The following ESR1 variants were observed in gnomAD, a reference collection of about 807,000 sequenced individuals.
The protein encoded by ESR1 is estrogen receptor 1.
In ESR1, 12 loss-of-function variants were observed where a neutral mutation model predicts 52.7. The observed-to-expected ratio is 0.23, with a 90% CI of 0.15 to 0.37. The LOEUF is 0.37. Ranked by LOEUF, ESR1 falls within the 10% of genes least tolerant of loss-of-function variation. The pLI, the probability that ESR1 is intolerant of heterozygous loss-of-function variation, is 1.00. For synonymous variants in ESR1, 305 were observed against 316.8 expected (o/e 0.96, Z 0.39); for missense variants, 584 against 779.7 (o/e 0.75, Z 2.99).
At chr6:151,950,554 C>A (rs2036218421) in intron 4 of ESR1, among the ~76,000 whole-genome samples, 1 of 152,094 alleles carries the variant, frequency 6.6e-6, no homozygotes, top group Non-Finnish European at 1.5e-5. Flanking sequence ...AAGCCCTAAT[C>A]CAATAAGGAC....
intron 2 of ESR1, among the ~76,000 whole-genome samples, chr6:151,873,986 C>T (rs1398454455): frequency 6.6e-6 from 1 of 152,080 alleles, no homozygotes; most frequent in African/African-American, 2.4e-5. Flanking sequence ...AATAGGACTT[C>T]GAAAATAAAA....
chr6:151,693,778 C>T (rs1779118847), intron 1 of ESR1, among the ~76,000 whole-genome samples: 1 of 152,126 alleles, frequency 6.6e-6, no homozygotes, highest in Non-Finnish European at 1.5e-5. Context: ...CCACCATGGC[C>T]AGCTAATTTT....
chr6:152,112,199 G>A (rs1256634366), intron 6 of ESR1, among the ~76,000 whole-genome samples: 7 of 152,184 alleles, frequency 4.6e-5, no homozygotes, highest in Admixed American at 4.6e-4. Flanking sequence ...GCAGCTCCAG[G>A]CTTCTGTCTA....
intron 3 of ESR1, among the ~76,000 whole-genome samples, chr6:151,891,584 T>C (rs1333972946): frequency 6.6e-6 from 1 of 152,176 alleles, no homozygotes; most frequent in Non-Finnish European, 1.5e-5. Flanking sequence ...GTTTTTCAGT[T>C]GGATTGTTCT....
chr6:152,043,637 G>T (rs2045984709), intron 5 of ESR1, among the ~76,000 whole-genome samples: 1 of 152,190 alleles, frequency 6.6e-6, no homozygotes, highest in South Asian at 2.1e-4. Flanking sequence ...AGGCAGTGCA[G>T]GGTTAAACTC....
intron 1 of ESR1, among the ~76,000 whole-genome samples, chr6:151,660,504 T>C (rs1284906931): frequency 1.3e-5 from 2 of 152,218 alleles, no homozygotes; most frequent in Non-Finnish European, 2.9e-5. Context: ...ATGAAAAATA[T>C]GTAAAACTCA....
chr6:152,077,703 G>C (rs934692144), intron 6 of ESR1, among the ~76,000 whole-genome samples: 2 of 152,230 alleles, frequency 1.3e-5, no homozygotes, highest in Non-Finnish European at 2.9e-5. Flanking sequence ...AGTCAAAGGA[G>C]ATATTTTGAA....
At chr6:152,063,702 A>C (rs1338897507) in intron 6 of ESR1, among the ~76,000 whole-genome samples, 1 of 152,190 alleles carries the variant, frequency 6.6e-6, no homozygotes, top group South Asian at 2.1e-4. Context: ...TCTACCTCTC[A>C]TGAGACCAAT....
At chr6:151,707,733 C>G (rs1780291861) in intron 2 of ESR1, among the ~76,000 whole-genome samples, 1 of 151,622 alleles carries the variant, frequency 6.6e-6, no homozygotes, top group South Asian at 2.1e-4. Context: ...TTTTTACTTC[C>G]TTTTAAAACA....
chr6:151,944,135 A>C, intron 3 of ESR1, 38 bp from the exon 4 acceptor site: 1 of 1,564,932 alleles, frequency 6.4e-7, no homozygotes, highest in Non-Finnish European at 8.7e-7. Flanking sequence ...TACACGGGAA[A>C]AAAATAAACT....
At chr6:151,868,665 T>G (rs1461894460) in intron 2 of ESR1, among the ~76,000 whole-genome samples, 1 of 152,206 alleles carries the variant, frequency 6.6e-6, no homozygotes, top group Non-Finnish European at 1.5e-5. Flanking sequence ...CTGTGTAGTA[T>G]TCCGTGGTGT....
intron 4 of ESR1, among the ~76,000 whole-genome samples, chr6:151,976,818 T>G (rs184599537): frequency 6.6e-6 from 1 of 152,110 alleles, no homozygotes; most frequent in Non-Finnish European, 1.5e-5. Context: ...TAAAAAGTGT[T>G]GATAATGCTC....
rs536100731 is a variant in ESR1 at position 151,949,960 on chromosome 6, C to T, written c.1096+5452C>T. ...CCACCCAAATTTCATCTTGAATTCCCATCTGTTGTAGGAGAGACCCATGGC... is the reference window on the plus strand; with the variant it reads ...CCACCCAAATTTCATCTTGAATTCCTATCTGTTGTAGGAGAGACCCATGGC... On this transcript the variant is annotated intron_variant, in intron 4 of 7. Coordinates refer to ENST00000206249, the MANE Select transcript of ESR1 (RefSeq NM_000125.4). Among the ~76,000 whole-genome samples the T allele has an allele frequency of 3.2e-4, 48 of 152,316 alleles. 1 individual carries two copies. The highest frequency in any genetic ancestry group is 1.1e-3 in the African/African-American group (45 of 41,574).
intron 2 of ESR1, among the ~76,000 whole-genome samples, chr6:151,742,670 C>T: frequency 6.6e-6 from 1 of 152,130 alleles, no homozygotes; most frequent in East Asian, 1.9e-4. Context: ...ATAAAAAGTG[C>T]TATTAAGTGT....
chr6:152,094,364 ACT>A lies in ESR1; in HGVS notation c.1370-12_1370-11del, dbSNP rs759726524. On this transcript the variant is annotated intron_variant, in intron 6 of 7. Coordinates refer to ENST00000206249, the MANE Select transcript of ESR1 (RefSeq NM_000125.4). The surrounding 1 kb of genome is among the most constrained non-coding windows in gnomAD (Gnocchi z 4.6). The stretch of plus-strand genomic sequence containing the variant: ...CATCCTCTTTGAGCTTCTCTCTCTC[ACT>A]CTCTCTCTGCGCATTCAGGAGTGTA... 2.5e-6 allele frequency: 4 copies of A among 1,608,480 alleles called. No homozygotes were observed. The highest frequency in any genetic ancestry group is 3.4e-6 in the Non-Finnish European group (4 of 1,175,622).
intron 3 of ESR1, among the ~76,000 whole-genome samples, chr6:151,939,782 T>A (rs2034829113): frequency 6.6e-6 from 1 of 152,154 alleles, no homozygotes; most frequent in Non-Finnish European, 1.5e-5. Context: ...TATTATTGTT[T>A]TTTTGTTTTG....
intron 2 of ESR1, among the ~76,000 whole-genome samples, chr6:151,877,916 T>C (rs1792125934): frequency 2.6e-5 from 4 of 152,170 alleles, no homozygotes; most frequent in African/African-American, 9.7e-5. Context: ...CTCAAGCGAT[T>C]CTCCTGTCTC....
chr6:152,070,845 T>G (rs2128985489), intron 6 of ESR1, among the ~76,000 whole-genome samples: 1 of 138,954 alleles, frequency 7.2e-6, no homozygotes, highest in African/African-American at 3.1e-5. Flanking sequence ...TTCCTCTGAG[T>G]TTTTACTTTA....
chr6:152,030,340 G>A (rs2044572864), intron 5 of ESR1, among the ~76,000 whole-genome samples: 1 of 149,910 alleles, frequency 6.7e-6, no homozygotes, highest in Non-Finnish European at 1.5e-5. Context: ...GACACAGACT[G>A]GCAAATTGGA....
Sources: allele counts gnomAD v4.1 joint callset (sites outside exome capture counted in the v4.1 genomes callset), GRCh38; gene constraint gnomAD v4.1.1; non-coding constraint Gnocchi (gnomAD v3.1); transcripts MANE v1.5; gene names NCBI Gene and HGNC (gene_info 2026-07-23, HGNC 2026-07-21).